The following CTNNA3 variants were observed in gnomAD, a reference collection of about 807,000 sequenced individuals.
CTNNA3 encodes the protein catenin alpha-3.
Under a neutral mutation model 95.7 loss-of-function variants are expected in CTNNA3, and 76 were observed. The ratio of observed to expected loss-of-function variants is 0.79; its 90% CI spans 0.66 to 0.96. The LOEUF (loss-of-function observed/expected upper bound fraction) is 0.96. Among genes scored for constraint, CTNNA3 ranks in the 40% least tolerant of loss-of-function variants. CTNNA3 has a pLI of 0.00. For synonymous variants in CTNNA3, 431 were observed against 374.4 expected, an observed-to-expected ratio of 1.15 and a Z score of -1.74; for missense variants, 1,191 against 1,089.8, an observed-to-expected ratio of 1.09 and a Z score of -1.31.
At chr10:67,019,209 T>A (rs926100747) in intron 7 of CTNNA3, among the ~76,000 whole-genome samples, 1 of 152,188 alleles carries the variant, frequency 6.6e-6, no homozygotes, top group African/African-American at 2.4e-5. Flanking sequence ...TTTCTTTTTT[T>A]AATTTTATTT....
At chr10:67,071,138 T>A (rs1393624053) in intron 7 of CTNNA3, among the ~76,000 whole-genome samples, 4 of 152,194 alleles carry the variant, frequency 2.6e-5, no homozygotes, top group Non-Finnish European at 5.9e-5. Flanking sequence ...GCATCACTCT[T>A]ATTGTTCAAT....
chr10:66,955,078 A>G lies in CTNNA3; in HGVS notation c.1048-179554T>C, dbSNP rs551520936. On this transcript the variant is annotated intron_variant, in intron 7 of 17. Transcript: ENST00000433211. ...AATTTCTTATCATATAATACATGGT[A>G]AACAACAAAATAGAAGGAAGACTTC... Among the ~76,000 whole-genome samples the G allele has an allele frequency of 4.6e-5, 7 of 152,300 alleles. No homozygotes were observed. The East Asian group carries it at 1.2e-3, about 25-fold the overall frequency.
chr10:67,657,378 G>C (rs1224130242), intron 1 of CTNNA3, among the ~76,000 whole-genome samples: 1 of 152,154 alleles, frequency 6.6e-6, no homozygotes, highest in African/African-American at 2.4e-5. Flanking sequence ...GGAGTTGTCA[G>C]CATAAAGGTA....
intron 7 of CTNNA3, among the ~76,000 whole-genome samples, chr10:67,150,802 A>G (rs1168477880): frequency 6.6e-6 from 1 of 152,204 alleles, no homozygotes; most frequent in Non-Finnish European, 1.5e-5. Context: ...AAGGAGGCCA[A>G]CAACACATCA....
At chr10:67,642,442 G>C (rs1437202128) in intron 2 of CTNNA3, among the ~76,000 whole-genome samples, 1 of 152,190 alleles carries the variant, frequency 6.6e-6, no homozygotes, top group East Asian at 1.9e-4. Context: ...TATCAGCTGG[G>C]TGCGGTGGCT....
intron 7 of CTNNA3, among the ~76,000 whole-genome samples, chr10:67,157,513 C>A (rs1861363192): frequency 6.6e-6 from 1 of 152,090 alleles, no homozygotes; most frequent in Admixed American, 6.6e-5. Flanking sequence ...ACACATATCT[C>A]TGGGCATCAA....
At chr10:66,917,859 A>G (rs1846576664) in intron 7 of CTNNA3, among the ~76,000 whole-genome samples, 1 of 152,236 alleles carries the variant, frequency 6.6e-6, no homozygotes, top group African/African-American at 2.4e-5. Context: ...ACACTGACTG[A>G]CTTTACATTC....
At chr10:66,565,229 G>C (rs908090939) in intron 10 of CTNNA3, among the ~76,000 whole-genome samples, 7 of 152,100 alleles carry the variant, frequency 4.6e-5, no homozygotes, top group Non-Finnish European at 8.8e-5. Context: ...TTGTTGTTAG[G>C]TACTACTTGA....
At chr10:66,786,504 A>G (rs1227250833) in intron 7 of CTNNA3, among the ~76,000 whole-genome samples, 5 of 152,190 alleles carry the variant, frequency 3.3e-5, no homozygotes, top group Non-Finnish European at 5.9e-5. Flanking sequence ...AAATCAAGGT[A>G]TAAGTTTTGA....
intron 5 of CTNNA3, among the ~76,000 whole-genome samples, chr10:67,386,887 T>G (rs994155534): frequency 6.6e-6 from 1 of 152,210 alleles, no homozygotes; most frequent in Non-Finnish European, 1.5e-5. Flanking sequence ...AAGTTCCTTT[T>G]TGGTTAATTC....
chr10:67,679,822 T>C (rs1029826581), intron 1 of CTNNA3, among the ~76,000 whole-genome samples: 1 of 152,230 alleles, frequency 6.6e-6, no homozygotes, highest in Admixed American at 6.5e-5. Flanking sequence ...AAAAGCATTC[T>C]GGCAGTATCC....
chr10:67,037,353 G>T (rs1402541396), intron 7 of CTNNA3, among the ~76,000 whole-genome samples: 1 of 147,744 alleles, frequency 6.8e-6, no homozygotes, highest in Non-Finnish European at 1.5e-5. Context: ...ACACTATGTG[G>T]CAACAATGGA....
At chr10:67,063,613 A>G (rs1242200731) in intron 7 of CTNNA3, among the ~76,000 whole-genome samples, 5 of 152,198 alleles carry the variant, frequency 3.3e-5, no homozygotes, top group Non-Finnish European at 7.4e-5. Context: ...AGTTTTAGAT[A>G]ATGCATATGA....
In CTNNA3 at chr10:67,042,896, T is replaced by C. The variant is rs540702701; in HGVS notation, c.1047+137421A>G. ...GGCAATAGACCAGAGGGTTTAACTA[T>C]ATTTCCTGTAACAAATTTGAATATA... On this transcript the variant is annotated intron_variant, in intron 7 of 17. Transcript: ENST00000433211. Among the ~76,000 whole-genome samples, 5 of 152,134 alleles carry C rather than the reference T, an allele frequency of 3.3e-5. No homozygotes were observed. In the South Asian group the frequency reaches 8.3e-4, roughly 25 times the overall value.
chr10:65,951,891 G>T (rs1195298851), intron 17 of CTNNA3, among the ~76,000 whole-genome samples: 1 of 152,044 alleles, frequency 6.6e-6, no homozygotes, highest in African/African-American at 2.4e-5. Context: ...TTAGCCGGGC[G>T]TGATGGCGGG....
At chr10:66,491,584 A>T (rs1162004704) in intron 11 of CTNNA3, among the ~76,000 whole-genome samples, 1 of 152,144 alleles carries the variant, frequency 6.6e-6, no homozygotes, top group African/African-American at 2.4e-5. Flanking sequence ...GATCTCCTAT[A>T]TGAAGTCCTT....
chr10:67,218,953 C>T (rs968065111), intron 6 of CTNNA3, among the ~76,000 whole-genome samples: 1 of 152,132 alleles, frequency 6.6e-6, no homozygotes. Flanking sequence ...AGCCAAAGTC[C>T]TTAAAGGCAT....
chr10:66,679,606 A>AT, intron 9 of CTNNA3, among the ~76,000 whole-genome samples: 1 of 152,136 alleles, frequency 6.6e-6, no homozygotes, highest in Non-Finnish European at 1.5e-5. Context: ...AATAGATTTG[A>AT]TTTTACCCCA....
chr10:67,286,977 C>T (rs974132215), intron 5 of CTNNA3, among the ~76,000 whole-genome samples: 3 of 152,120 alleles, frequency 2.0e-5, no homozygotes, highest in African/African-American at 4.8e-5. Flanking sequence ...AATTTCTTGG[C>T]GCTTCCTCTG....
Sources: allele counts gnomAD v4.1 joint callset (sites outside exome capture counted in the v4.1 genomes callset), GRCh38; gene constraint gnomAD v4.1.1; transcripts MANE v1.5; gene names NCBI Gene and HGNC (gene_info 2026-07-23, HGNC 2026-07-21).